DPYD: variants seen among roughly 807,000 people sequenced by gnomAD.
DPYD encodes the protein dihydropyrimidine dehydrogenase [NADP(+)].
DPYD carries 109 observed loss-of-function variants against 116.2 expected under a neutral mutation model. The ratio of observed to expected loss-of-function variants is 0.94; its 90% CI spans 0.80 to 1.10. The LOEUF is 1.10. Among genes scored for constraint, DPYD ranks in the 50% least tolerant of loss-of-function variants. DPYD has a pLI of 0.00. For missense variants in DPYD, 1,302 were observed against 1,254.5 expected, an observed-to-expected ratio of 1.04 and a Z score of -0.57; for synonymous variants, 440 against 432.0, an observed-to-expected ratio of 1.02 and a Z score of -0.23.
intron 8 of DPYD, among the ~76,000 whole-genome samples, chr1:97,662,526 G>C (rs1379418087): frequency 6.6e-6 from 1 of 151,902 alleles, no homozygotes; most frequent in Non-Finnish European, 1.5e-5. Flanking sequence ...CCAGCTATTC[G>C]GGAAGCTGAG....
intron 16 of DPYD, among the ~76,000 whole-genome samples, chr1:97,314,692 T>G (rs1366238439): frequency 6.6e-6 from 1 of 151,878 alleles, no homozygotes; most frequent in Non-Finnish European, 1.5e-5. Flanking sequence ...TGTTCAAATT[T>G]CAGATCTCCT....
intron 13 of DPYD, among the ~76,000 whole-genome samples, chr1:97,503,423 C>G (rs1679707862): frequency 6.6e-6 from 1 of 151,952 alleles, no homozygotes. Flanking sequence ...GAATCCACTC[C>G]TGGATTTTCA....
intron 21 of DPYD, among the ~76,000 whole-genome samples, chr1:97,090,088 C>T (rs1159387378): frequency 1.3e-5 from 2 of 151,964 alleles, no homozygotes; most frequent in Non-Finnish European, 2.9e-5. Context: ...CTATGAATTC[C>T]AATTTAACAA....
chr1:97,191,772 T>C (rs1658389079), intron 20 of DPYD, among the ~76,000 whole-genome samples: 1 of 152,162 alleles, frequency 6.6e-6, no homozygotes, highest in African/African-American at 2.4e-5. Flanking sequence ...CCTTGAGATA[T>C]TTACATCGAA....
intron 18 of DPYD, among the ~76,000 whole-genome samples, chr1:97,263,132 A>C (rs1160805766): frequency 2.0e-5 from 3 of 152,130 alleles, no homozygotes; most frequent in African/African-American, 7.2e-5. Flanking sequence ...AATACAAAAT[A>C]CTATAGCAGG....
At chr1:97,286,986 G>A (rs543494981) in intron 18 of DPYD, among the ~76,000 whole-genome samples, 5 of 152,214 alleles carry the variant, frequency 3.3e-5, no homozygotes, top group Non-Finnish European at 5.9e-5. Flanking sequence ...ATTGGAGGAG[G>A]AGAGGCACTC....
intron 16 of DPYD, among the ~76,000 whole-genome samples, chr1:97,327,518 A>G (rs1668769132): frequency 6.6e-6 from 1 of 152,044 alleles, no homozygotes. Flanking sequence ...CTCATAATGA[A>G]ACAACTAAAT....
At chr1:97,463,188 C>T (rs909869098) in intron 13 of DPYD, among the ~76,000 whole-genome samples, 1 of 152,158 alleles carries the variant, frequency 6.6e-6, no homozygotes, top group Non-Finnish European at 1.5e-5. Flanking sequence ...ATCTTGAATT[C>T]TCGAATGTTG....
At chr1:97,751,760 T>C (rs892282527) in intron 3 of DPYD, among the ~76,000 whole-genome samples, 2 of 93,974 alleles carry the variant, frequency 2.1e-5, no homozygotes, top group African/African-American at 8.5e-5. Context: ...CAGAACGCTG[T>C]CTCTAAAAAC....
intron 2 of DPYD, among the ~76,000 whole-genome samples, chr1:97,845,354 A>C (rs1026352239): frequency 6.6e-6 from 1 of 152,166 alleles, no homozygotes; most frequent in African/African-American, 2.4e-5. Context: ...ACTCAGAGAC[A>C]TCAGGACAAC....
intron 16 of DPYD, among the ~76,000 whole-genome samples, chr1:97,310,522 C>T (rs536238703): frequency 6.6e-6 from 1 of 151,798 alleles, no homozygotes; most frequent in Admixed American, 6.6e-5. Context: ...TAAAACAGGA[C>T]AGGCAGTCAA....
intron 19 of DPYD, among the ~76,000 whole-genome samples, chr1:97,196,862 C>A (rs1658852655): frequency 6.6e-6 from 1 of 152,022 alleles, no homozygotes; most frequent in African/African-American, 2.4e-5. Flanking sequence ...ATTGCATGGA[C>A]CAAATGCATA....
rs561234056 is a variant in DPYD at position 97,346,680 on chromosome 1, C to T, written c.2058+26881G>A. 2.0e-5 allele frequency among the ~76,000 whole-genome samples: 3 copies of T among 151,796 alleles called. No homozygotes were observed. In the South Asian group the frequency reaches 6.2e-4, roughly 31 times the overall value. ...TTATGTATAGATAATGATTGTCTTA[C>T]TAGTATTTAGTTAATAGTTCAAAAT... is the stretch of plus-strand genomic sequence containing the variant. On this transcript the variant is annotated intron_variant, in intron 16 of 22. Coordinates refer to ENST00000370192, the MANE Select transcript of DPYD (RefSeq NM_000110.4).
intron 14 of DPYD, among the ~76,000 whole-genome samples, chr1:97,413,292 C>A (rs1249423508): frequency 2.0e-5 from 3 of 152,162 alleles, no homozygotes; most frequent in Non-Finnish European, 2.9e-5. Flanking sequence ...CAAATGTAGT[C>A]AACCTCATGT....
At chr1:97,678,157 C>T (rs1220742251) in intron 8 of DPYD, among the ~76,000 whole-genome samples, 3 of 152,126 alleles carry the variant, frequency 2.0e-5, no homozygotes, top group South Asian at 2.1e-4. Context: ...GCATTAGTTA[C>T]AGATTCTCAT....
chr1:97,432,607 G>A (rs1675246514), intron 14 of DPYD, among the ~76,000 whole-genome samples: 1 of 151,768 alleles, frequency 6.6e-6, no homozygotes, highest in Non-Finnish European at 1.5e-5. Context: ...CCACTCTCAA[G>A]AATATTCTGT....
chr1:97,855,616 T>G (rs1670797218), intron 2 of DPYD: 2 of 152,180 alleles, frequency 1.3e-5, no homozygotes, highest in African/African-American at 4.8e-5. Flanking sequence ...TTAGAACAAT[T>G]TAGGTTGGTA....
At chr1:97,259,063 G>A (rs1663699784) in intron 18 of DPYD, among the ~76,000 whole-genome samples, 1 of 152,026 alleles carries the variant, frequency 6.6e-6, no homozygotes, top group African/African-American at 2.4e-5. Context: ...ATTTGAGTTT[G>A]GGTAAATACC....
rs149337117 is a variant in DPYD, at chr1:97,079,320, C to T, written c.2908-174G>A. Reference sequence around the variant, plus strand: ...AGCTGACAGAGGAGGAAAAAAAGAGCGAGAAAAGAAATCCTTTTAAATTAA... The same window carrying T: ...AGCTGACAGAGGAGGAAAAAAAGAGTGAGAAAAGAAATCCTTTTAAATTAA... On this transcript the variant is annotated intron_variant, in intron 22 of 22. Transcript: ENST00000370192. Among the ~76,000 whole-genome samples the T allele has an allele frequency of 9.6e-4, 146 of 152,128 alleles. 2 individuals carry two copies. Among genetic ancestry groups the T allele is most frequent in the Admixed American group, 8.5e-3 (130 of 15,278 alleles).
Sources: allele counts gnomAD v4.1 joint callset (sites outside exome capture counted in the v4.1 genomes callset), GRCh38; gene constraint gnomAD v4.1.1; transcripts MANE v1.5; gene names NCBI Gene and HGNC (gene_info 2026-07-23, HGNC 2026-07-21).